C1orf146: variants seen among roughly 807,000 people sequenced by gnomAD.
C1orf146 encodes protein SPO16 homolog.
A neutral mutation model predicts 23.0 loss-of-function variants in C1orf146; 22 were observed. The observed-to-expected ratio is 0.96, with a 90% confidence interval of 0.68 to 1.36. The LOEUF (loss-of-function observed/expected upper bound fraction) is 1.36, where lower values mean the gene tolerates loss of function less well. Among genes scored for constraint, C1orf146 ranks in the 40% most tolerant of loss-of-function variants. C1orf146 has a pLI of 0.00. For synonymous variants in C1orf146, 59 were observed against 65.3 expected, an observed-to-expected ratio of 0.90 and a Z score of 0.47; for missense variants, 199 against 206.8, an observed-to-expected ratio of 0.96 and a Z score of 0.23.
At chr1:92,241,014 A>C in intron 2 of C1orf146, 2 of 415,236 alleles carry the variant, frequency 4.8e-6, no homozygotes, top group South Asian at 3.6e-5. Context: ...AACATTTTAA[A>C]AGTATACTAA....
At chr1:92,237,594 C>T (rs1407386862) in intron 2 of C1orf146, among the ~76,000 whole-genome samples, 1 of 152,166 alleles carries the variant, frequency 6.6e-6, no homozygotes, top group Non-Finnish European at 1.5e-5. Context: ...TCTCAGATCT[C>T]CAGCTGCGTG....
At chr1:92,227,545 A>T (rs908566091) in intron 1 of C1orf146, among the ~76,000 whole-genome samples, 3 of 152,180 alleles carry the variant, frequency 2.0e-5, no homozygotes, top group Admixed American at 2.0e-4. Context: ...TCTCAAAAAA[A>T]ATAAAAATAA....
chr1:92,233,886 T>G (rs1652201776), intron 2 of C1orf146, among the ~76,000 whole-genome samples: 2 of 152,096 alleles, frequency 1.3e-5, no homozygotes, highest in Non-Finnish European at 2.9e-5. Flanking sequence ...TGAATGGGAG[T>G]TTGCTCATGA....
At chr1:92,242,483 G>C (rs1652455946) in intron 3 of C1orf146, among the ~76,000 whole-genome samples, 178 bp downstream of exon 3, 1 of 152,002 alleles carries the variant, frequency 6.6e-6, no homozygotes, top group Admixed American at 6.6e-5. Flanking sequence ...TTCCTTTTTA[G>C]ATTACAATTG....
rs186247805 is a variant in C1orf146, at chr1:92,225,437, C to T, written c.-39-5945C>T. Among the ~76,000 whole-genome samples the T allele has an allele frequency of 1.0e-3, 155 of 152,258 alleles. 1 individual carries two copies. The highest frequency in any genetic ancestry group is 3.9e-4 in the East Asian group (2 of 5,186). ...TAGTCTTTTAAAGCTATGTGTTTCC[C>T]TCTAAGTACTCCTTTAGTTACATTT... On this transcript the variant is annotated intron_variant, in intron 1 of 5. Transcript: ENST00000370375.
intron 1 of C1orf146, among the ~76,000 whole-genome samples, chr1:92,224,703 T>G (rs1651922811): frequency 6.6e-6 from 1 of 152,204 alleles, no homozygotes; most frequent in African/African-American, 2.4e-5. Context: ...ATTCCATTGA[T>G]TTCTGCTTTA....
In C1orf146 at chr1:92,231,467, T is replaced by C. The variant is rs1652118467; in HGVS notation, c.47T>C (p.Ile16Thr). Residue 16 changes from isoleucine (I) to threonine (T), a missense_variant, in exon 2 of 6, where the codon ATT (isoleucine) becomes ACT (threonine). By Grantham distance (89) the Ile-to-Thr change is moderately conservative (BLOSUM62 -1). Coordinates refer to ENST00000370375, the MANE Select transcript of C1orf146 (RefSeq NM_001012425.2). ...AAAATAAAATGGACAACCACCATTA[T>C]TATTAGCTCATCTCTTAAGGTAAAG... is the stretch of plus-strand genomic sequence containing the variant. ...KEKIKWTTTI[I>T]ISSSLKSYEV... is the part of the protein sequence containing the mutation. 3 of 1,611,230 alleles carry C rather than the reference T, an allele frequency of 1.9e-6. No homozygotes were observed. The East Asian group carries it at 6.7e-5, about 36-fold the overall frequency.
chr1:92,227,035 AGGTACAG>A (rs1223522016), intron 1 of C1orf146, among the ~76,000 whole-genome samples: 1 of 152,192 alleles, frequency 6.6e-6, no homozygotes, highest in African/African-American at 2.4e-5. Context: ...AAAGCACCTT[AGGTACAG>A]TTACCATCAT....
intron 1 of C1orf146, chr1:92,229,143 C>T (rs950190844): frequency 9.6e-6 from 5 of 520,920 alleles, no homozygotes; most frequent in South Asian, 1.6e-5. Context: ...CTTTCGCTCT[C>T]GGGGTGCAAT....
At chr1:92,244,090 C>G in intron 3 of C1orf146, 127 bp from the exon 4 acceptor site, 2 of 621,426 alleles carry the variant, frequency 3.2e-6, no homozygotes, top group Non-Finnish European at 2.8e-6. Context: ...ATAGTACTTT[C>G]TATTCCTTAT....
intron 1 of C1orf146, among the ~76,000 whole-genome samples, chr1:92,224,632 C>T (rs1304661007): frequency 6.6e-6 from 1 of 152,192 alleles, no homozygotes; most frequent in Non-Finnish European, 1.5e-5. Context: ...CAGTCTAGCT[C>T]AATGTTTATC....
chr1:92,234,911 A>C (rs972679588), intron 2 of C1orf146, among the ~76,000 whole-genome samples: 102 of 152,342 alleles, frequency 6.7e-4, no homozygotes, highest in African/African-American at 2.4e-3. Context: ...AGGTGTTTGT[A>C]GTATTCTCTG....
chr1:92,222,481 G>A (rs901372799), intron 1 of C1orf146, among the ~76,000 whole-genome samples: 3 of 147,760 alleles, frequency 2.0e-5, no homozygotes, highest in African/African-American at 5.0e-5. Flanking sequence ...CCATCCCAAA[G>A]GTTTCCTCCT....
chr1:92,224,379 G>A (rs3131824), intron 1 of C1orf146, among the ~76,000 whole-genome samples: 131,472 of 152,208 alleles, frequency 0.86, 57,210 homozygotes, highest in East Asian at 1. Context: ...ATTAAGTCCA[G>A]TTTATCAATT....
In C1orf146 at chr1:92,229,137, C is replaced by T. The variant is rs553334667; in HGVS notation, c.-39-2245C>T. 131 of 518,772 alleles carry T rather than the reference C, an allele frequency of 2.5e-4. 1 individual carries two copies. Among genetic ancestry groups the T allele is most frequent in the African/African-American group, 2.1e-3 (108 of 51,834 alleles). 32.1% of individuals were successfully genotyped at this position (518,772 alleles called of 1,614,324 possible). A position where few individuals can be genotyped will look rare whatever the true frequency, so the allele number is the denominator to read the frequency against. Reference sequence around the variant, plus strand: ...GCCGCCGATCCACACCGAGTACTTTCGCTCTCGGGGTGCAATGATCTTGAT... The same window carrying T: ...GCCGCCGATCCACACCGAGTACTTTTGCTCTCGGGGTGCAATGATCTTGAT... On this transcript the variant is annotated intron_variant, in intron 1 of 5. Transcript: ENST00000370375.
intron 1 of C1orf146, chr1:92,229,234 T>C (rs1366636908): frequency 5.4e-6 from 3 of 553,808 alleles, no homozygotes; most frequent in African/African-American, 3.8e-5. Flanking sequence ...TACATGGTGG[T>C]GCCGCTGGAC....
At chr1:92,235,549 A>G (rs1652253524) in intron 2 of C1orf146, among the ~76,000 whole-genome samples, 1 of 152,182 alleles carries the variant, frequency 6.6e-6, no homozygotes, top group Non-Finnish European at 1.5e-5. Flanking sequence ...CAGTTTTGGA[A>G]TAGGTGTGGT....
At chr1:92,229,928 CTCAG>C (rs1264281815) in intron 1 of C1orf146, among the ~76,000 whole-genome samples, 1 of 152,138 alleles carries the variant, frequency 6.6e-6, no homozygotes, top group Non-Finnish European at 1.5e-5. Context: ...AGATTTAGAG[CTCAG>C]TGAGATTCCA....
chr1:92,219,375 T>C (rs1404685457), intron 1 of C1orf146, among the ~76,000 whole-genome samples: 2 of 152,124 alleles, frequency 1.3e-5, no homozygotes, highest in Non-Finnish European at 2.9e-5. Context: ...ATGAGGAAAT[T>C]AGAGAGCAGC....
Sources: gnomAD v4.1 joint callset for allele counts (sites outside exome capture counted in the v4.1 genomes callset) on GRCh38, gnomAD v4.1.1 for gene constraint, MANE v1.5 for transcripts, NCBI Gene and HGNC (gene_info 2026-07-23, HGNC 2026-07-21) for gene names.